Variants in MEGF11 observed in about 807,000 individuals in gnomAD.
MEGF11 encodes the protein multiple epidermal growth factor-like domains protein 11.
A neutral mutation model predicts 146.6 loss-of-function variants in MEGF11; 126 were observed. The observed-to-expected ratio is 0.86, with a 90% CI of 0.74 to 1.00. MEGF11 has a LOEUF of 1.00. Among genes scored for constraint, MEGF11 ranks in the 50% least tolerant of loss-of-function variants. The probability of loss-of-function intolerance (pLI) is 0.00; values close to 1 mark genes in which losing one functional copy is unlikely to be tolerated. For synonymous variants in MEGF11, 532 were observed against 583.4 expected, an observed-to-expected ratio of 0.91 and a Z score of 1.27; for missense variants, 1,509 against 1,521.2, an observed-to-expected ratio of 0.99 and a Z score of 0.13.
Position 66,031,890 on chromosome 15 carries a change from G to T in MEGF11, c.395-49402C>A, listed in dbSNP as rs867071894. 5.3e-5 allele frequency among the ~76,000 whole-genome samples: 8 copies of T among 152,322 alleles called. No individual in the cohort carries two copies. The Middle Eastern group carries it at 0.01, about 194-fold the overall frequency. ...GAGTGGCTTCGTTATGAAAGTACTG[G>T]TCTGTAGCCTGTTAGGAACCAGGCC... On this transcript the variant is annotated intron_variant, in intron 5 of 25. Coordinates refer to ENST00000395614, the MANE Select transcript of MEGF11 (RefSeq NM_001385028.1).
chr15:66,014,814 G>A (rs2140133008), intron 5 of MEGF11, among the ~76,000 whole-genome samples: 1 of 152,278 alleles, frequency 6.6e-6, no homozygotes, highest in South Asian at 2.1e-4. Context: ...CCAGTGACAA[G>A]GGATGAATTA....
intron 5 of MEGF11, among the ~76,000 whole-genome samples, chr15:66,092,187 C>T (rs193056953): frequency 1.1e-4 from 17 of 152,254 alleles, no homozygotes; most frequent in Admixed American, 7.2e-4. Flanking sequence ...AATGGGCTTC[C>T]GAAAGAGGTA....
intron 5 of MEGF11, among the ~76,000 whole-genome samples, chr15:66,075,480 TCATGTCCAGTGTTCCAGA>T (rs1399530613): frequency 6.6e-6 from 1 of 152,044 alleles, no homozygotes; most frequent in African/African-American, 2.4e-5. Flanking sequence ...AGAATTCAAC[TCATGTCCAGTGTTCCAGA>T]CAGCAGACTG....
chr15:65,900,632 T>C (rs1465080623), intron 24 of MEGF11, among the ~76,000 whole-genome samples: 1 of 152,250 alleles, frequency 6.6e-6, no homozygotes, highest in Non-Finnish European at 1.5e-5. Context: ...CCTTCTCCTC[T>C]CATTGCTTAT....
Position 66,189,745 on chromosome 15 carries a change from C to T in MEGF11, c.-8-61334G>A, listed in dbSNP as rs80079913. 1.9e-3 allele frequency among the ~76,000 whole-genome samples: 295 copies of T among 152,196 alleles called. 2 individuals carry two copies. Among genetic ancestry groups the T allele is most frequent in the African/African-American group, 6.7e-3 (280 of 41,504 alleles). ...TCCCACAGGGCTGTTGAGAGGCTTG[C>T]GGGGGACAAGATATCTAAAGCCCCT... On this transcript the variant is annotated intron_variant, in intron 1 of 25. Transcript: ENST00000395614.
chr15:66,149,444 T>A (rs2089484803), intron 1 of MEGF11, among the ~76,000 whole-genome samples: 1 of 152,208 alleles, frequency 6.6e-6, no homozygotes, highest in African/African-American at 2.4e-5. Context: ...ATATAGGTAA[T>A]CAGCCTAGCC....
chr15:66,152,520 G>A (rs1417131860), intron 1 of MEGF11, among the ~76,000 whole-genome samples: 1 of 152,210 alleles, frequency 6.6e-6, no homozygotes, highest in Non-Finnish European at 1.5e-5. Flanking sequence ...TCTGACCCCT[G>A]ATATCTGAAA....
At position 65,911,720 on chromosome 15, in the gene MEGF11, G is replaced by T. The variant is rs1040602965; in HGVS notation, c.2829+362C>A. ...GCCACTGTGCCCAGCCTACAAGGTG[G>T]TCTAGTGTTTTGATTACGTGTTGAC... On this transcript the variant is annotated intron_variant, in intron 21 of 25. Coordinates refer to ENST00000395614, the MANE Select transcript of MEGF11 (RefSeq NM_001385028.1). Among the ~76,000 whole-genome samples the T allele has an allele frequency of 2.6e-5, 4 of 152,170 alleles. No individual in the cohort carries two copies. The South Asian group carries it at 6.2e-4, about 24-fold the overall frequency.
At chr15:66,022,565 C>T (rs897966797) in intron 5 of MEGF11, among the ~76,000 whole-genome samples, 1 of 152,214 alleles carries the variant, frequency 6.6e-6, no homozygotes, top group Non-Finnish European at 1.5e-5. Flanking sequence ...TGGCTTACAC[C>T]TATAATCCCA....
chr15:66,157,510 G>A (rs2089804218), intron 1 of MEGF11, among the ~76,000 whole-genome samples: 1 of 152,208 alleles, frequency 6.6e-6, no homozygotes, highest in African/African-American at 2.4e-5. Context: ...CACCTACTAT[G>A]TACAAGGCTT....
intron 1 of MEGF11, among the ~76,000 whole-genome samples, chr15:66,247,777 C>T (rs1159371200): frequency 2.6e-5 from 4 of 152,014 alleles, no homozygotes; most frequent in Non-Finnish European, 5.9e-5. Flanking sequence ...TGGCTCACAC[C>T]TGTAATCCCA....
chr15:66,181,091 C>T (rs2090534145), intron 1 of MEGF11, among the ~76,000 whole-genome samples: 1 of 152,206 alleles, frequency 6.6e-6, no homozygotes, highest in Non-Finnish European at 1.5e-5. Context: ...AGATTTTTAT[C>T]TTAACAAAAA....
chr15:66,184,747 G>C (rs747824679), intron 1 of MEGF11, among the ~76,000 whole-genome samples: 1 of 150,472 alleles, frequency 6.6e-6, no homozygotes, highest in Non-Finnish European at 1.5e-5. Context: ...CCAAAGCACC[G>C]TGTTTCCGTC....
intron 1 of MEGF11, among the ~76,000 whole-genome samples, chr15:66,232,969 G>A (rs760864645): frequency 3.9e-5 from 6 of 152,144 alleles, no homozygotes; most frequent in Admixed American, 6.5e-5. Context: ...CCCAGGTTAC[G>A]AACGAGGATG....
intron 1 of MEGF11, among the ~76,000 whole-genome samples, chr15:66,147,735 A>T (rs1480918738): frequency 6.6e-6 from 1 of 152,194 alleles, no homozygotes; most frequent in Non-Finnish European, 1.5e-5. Context: ...TCTGAGCTGG[A>T]GGGGGGCTCA....
At chr15:66,235,372 T>G (rs1457465393) in intron 1 of MEGF11, among the ~76,000 whole-genome samples, 1 of 151,964 alleles carries the variant, frequency 6.6e-6, no homozygotes, top group Non-Finnish European at 1.5e-5. Context: ...TATGGTGGCA[T>G]GCACCTTTAT....
intron 5 of MEGF11, among the ~76,000 whole-genome samples, chr15:66,039,240 G>C (rs1166895791): frequency 1.3e-5 from 2 of 152,172 alleles, no homozygotes; most frequent in Non-Finnish European, 2.9e-5. Context: ...CCACAGCGAA[G>C]AGGTCAGCAA....
At chr15:66,141,633 C>G (rs1373125360) in intron 1 of MEGF11, among the ~76,000 whole-genome samples, 1 of 151,986 alleles carries the variant, frequency 6.6e-6, no homozygotes, top group East Asian at 1.9e-4. Context: ...AGTCAATCTG[C>G]TACATGCAGT....
chr15:66,225,107 G>C (rs1335659807), intron 1 of MEGF11, among the ~76,000 whole-genome samples: 2 of 152,242 alleles, frequency 1.3e-5, no homozygotes, highest in Non-Finnish European at 2.9e-5. Flanking sequence ...GGGCAGAGCA[G>C]CCAGCCAGAA....
Sources: allele counts gnomAD v4.1 joint callset (sites outside exome capture counted in the v4.1 genomes callset), GRCh38; gene constraint gnomAD v4.1.1; transcripts MANE v1.5; gene names NCBI Gene and HGNC (gene_info 2026-07-23, HGNC 2026-07-21).